CTNNA2: variants seen among roughly 807,000 people sequenced by gnomAD.
CTNNA2 encodes catenin alpha-2.
CTNNA2 carries 42 observed loss-of-function variants against 101.0 expected under a neutral mutation model. That is an observed-to-expected ratio of 0.42 (90% CI 0.32 to 0.54). The LOEUF (loss-of-function observed/expected upper bound fraction) is 0.54. CTNNA2 is among the 20% of genes least tolerant of loss of function. The probability of loss-of-function intolerance (pLI) is 0.14; values close to 1 mark genes in which losing one functional copy is unlikely to be tolerated. For missense variants in CTNNA2, 871 were observed against 1,223.1 expected (o/e 0.71, Z 4.29); for synonymous variants, 450 against 456.4 (o/e 0.99, Z 0.18).
At chr2:79,392,973 C>A (rs1678191623) in intron 4 of CTNNA2, among the ~76,000 whole-genome samples, 2 of 152,168 alleles carry the variant, frequency 1.3e-5, no homozygotes, top group East Asian at 3.9e-4. Context: ...TCTGTAAATG[C>A]AACTGGGAAA....
At chr2:79,974,784 T>C (rs1690721735) in intron 7 of CTNNA2, among the ~76,000 whole-genome samples, 2 of 151,992 alleles carry the variant, frequency 1.3e-5, no homozygotes, top group South Asian at 4.1e-4. Flanking sequence ...AAACATGCAA[T>C]GTTATAAAGT....
chr2:80,421,375 T>C (rs998010576), intron 9 of CTNNA2, among the ~76,000 whole-genome samples: 1 of 152,146 alleles, frequency 6.6e-6, no homozygotes, highest in Non-Finnish European at 1.5e-5. Flanking sequence ...CTACTTTCAG[T>C]CCTATTAGTG....
In CTNNA2 at chr2:80,202,167, G is replaced by A. The variant is rs191578027; in HGVS notation, c.1057-191044G>A. On this transcript the variant is annotated intron_variant, in intron 7 of 18. Coordinates refer to ENST00000402739, the MANE Select transcript of CTNNA2 (RefSeq NM_001282597.3). ...TCCTCCCTCTTTCCCTGCTTGATCTGCTCTGTATTAATTTCTTTTCCTATT... is the reference window on the plus strand; with the variant it reads ...TCCTCCCTCTTTCCCTGCTTGATCTACTCTGTATTAATTTCTTTTCCTATT... Among the ~76,000 whole-genome samples the A allele has an allele frequency of 2.6e-5, 4 of 152,170 alleles. No individual in the cohort carries two copies. The East Asian group carries it at 7.7e-4, about 29-fold the overall frequency.
intron 7 of CTNNA2, among the ~76,000 whole-genome samples, chr2:80,180,721 C>A (rs1211825822): frequency 2.6e-5 from 4 of 152,156 alleles, no homozygotes; most frequent in South Asian, 4.1e-4. Context: ...TGGACCCTCC[C>A]AGCTAAGATG....
intron 6 of CTNNA2, among the ~76,000 whole-genome samples, chr2:79,877,082 A>C (rs1175662460): frequency 6.6e-6 from 1 of 151,666 alleles, no homozygotes; most frequent in Non-Finnish European, 1.5e-5. Context: ...ATATGAATGA[A>C]AAAATTATAT....
chr2:80,603,393 T>C (rs932117262), intron 15 of CTNNA2, among the ~76,000 whole-genome samples: 4 of 152,100 alleles, frequency 2.6e-5, no homozygotes, highest in African/African-American at 9.6e-5. Context: ...AAACATTTAC[T>C]GTCACTCAGT....
chr2:79,511,585 C>T (rs1248685406), upstream of CTNNA2, among the ~76,000 whole-genome samples: 3 of 152,100 alleles, frequency 2.0e-5, no homozygotes, highest in Non-Finnish European at 2.9e-5. Context: ...CCGGTGACTC[C>T]TGTTCACTTT....
intron 3 of CTNNA2, among the ~76,000 whole-genome samples, chr2:79,332,432 C>T (rs1259948996): frequency 3.9e-5 from 6 of 152,160 alleles, no homozygotes; most frequent in African/African-American, 1.4e-4. Flanking sequence ...AAAAGCCATG[C>T]TGAATATAAG....
At chr2:79,883,900 A>T (rs1683642395) in intron 6 of CTNNA2, among the ~76,000 whole-genome samples, 1 of 152,204 alleles carries the variant, frequency 6.6e-6, no homozygotes, top group African/African-American at 2.4e-5. Flanking sequence ...AGAATCAGTA[A>T]TAAATTTTGC....
intron 2 of CTNNA2, among the ~76,000 whole-genome samples, chr2:79,290,058 G>T (rs1203708779): frequency 6.6e-6 from 1 of 152,124 alleles, no homozygotes; most frequent in Non-Finnish European, 1.5e-5. Context: ...ACATACTCAG[G>T]TGCCCACTGT....
intron 2 of CTNNA2, among the ~76,000 whole-genome samples, chr2:79,238,495 A>T (rs2104251043): frequency 6.6e-6 from 1 of 152,356 alleles, no homozygotes; most frequent in Admixed American, 6.5e-5. Context: ...TTGGGAAAAA[A>T]TGGCACCAAT....
At chr2:80,189,765 A>C (rs1337610179) in intron 7 of CTNNA2, among the ~76,000 whole-genome samples, 1 of 152,090 alleles carries the variant, frequency 6.6e-6, no homozygotes, top group Non-Finnish European at 1.5e-5. Flanking sequence ...AAAACAAAAC[A>C]AAAACACACA....
intron 7 of CTNNA2, among the ~76,000 whole-genome samples, chr2:80,040,282 G>A (rs999702452): frequency 6.6e-6 from 1 of 152,094 alleles, no homozygotes; most frequent in African/African-American, 2.4e-5. Context: ...ATTCAAAGAA[G>A]GTTTGTATTT....
intron 7 of CTNNA2, among the ~76,000 whole-genome samples, chr2:80,218,962 T>C (rs1708422654): frequency 6.6e-6 from 1 of 152,350 alleles, no homozygotes; most frequent in South Asian, 2.1e-4. Flanking sequence ...TTTAATGTTA[T>C]GTAGAATCAC....
At chr2:79,539,327 T>C (rs1448753542) in intron 1 of CTNNA2, among the ~76,000 whole-genome samples, 2 of 152,144 alleles carry the variant, frequency 1.3e-5, no homozygotes, top group Non-Finnish European at 2.9e-5. Flanking sequence ...CAAGAGCGTG[T>C]TTAGAAAGTG....
At chr2:80,112,555 T>G (rs1317834196) in intron 7 of CTNNA2, among the ~76,000 whole-genome samples, 1 of 152,206 alleles carries the variant, frequency 6.6e-6, no homozygotes, top group Non-Finnish European at 1.5e-5. Context: ...GAGTAATCTC[T>G]GACAAACTAT....
chr2:79,304,800 A>C (rs1299113925), intron 2 of CTNNA2, among the ~76,000 whole-genome samples: 5 of 152,228 alleles, frequency 3.3e-5, no homozygotes. Context: ...TAAGGGAGAC[A>C]TGTAGACTCT....
chr2:79,768,363 C>T, intron 3 of CTNNA2, among the ~76,000 whole-genome samples: 1 of 150,954 alleles, frequency 6.6e-6, no homozygotes. Flanking sequence ...CTTTTTAGTG[C>T]CTCTTTCAGT....
chr2:79,359,227 T>C (rs778816216), intron 3 of CTNNA2, among the ~76,000 whole-genome samples: 2 of 152,192 alleles, frequency 1.3e-5, no homozygotes, highest in African/African-American at 2.4e-5. Flanking sequence ...CCAAGTATGA[T>C]GTTGCTGCAA....
Sources: gnomAD v4.1 joint callset for allele counts (sites outside exome capture counted in the v4.1 genomes callset) on GRCh38, gnomAD v4.1.1 for gene constraint, MANE v1.5 for transcripts, NCBI Gene and HGNC (gene_info 2026-07-23, HGNC 2026-07-21) for gene names.